Variants in UGT2A2 observed in about 807,000 individuals in gnomAD.
UGT2A2 encodes the protein UDP-glucuronosyltransferase 2A2.
In UGT2A2, 60 loss-of-function variants were observed where a neutral mutation model predicts 50.7. The observed-to-expected ratio is 1.18, with a 90% confidence interval of 0.96 to 1.47. The LOEUF (loss-of-function observed/expected upper bound fraction) is 1.47. Among genes scored for constraint, UGT2A2 ranks in the 40% most tolerant of loss-of-function variants. UGT2A2 has a pLI of 0.00. For synonymous variants in UGT2A2, 242 were observed against 214.6 expected (o/e 1.13, Z -1.11); for missense variants, 762 against 634.0 (o/e 1.20, Z -2.17).
At chr4:69,624,241 C>A (rs1004088982) in intron 1 of UGT2A2, among the ~76,000 whole-genome samples, 9 of 151,470 alleles carry the variant, frequency 5.9e-5, no homozygotes, top group African/African-American at 2.2e-4. Flanking sequence ...CCTTTATTCT[C>A]ATAATAATCA....
intron 1 of UGT2A2, among the ~76,000 whole-genome samples, chr4:69,636,734 A>G (rs1470762531): frequency 6.6e-6 from 1 of 152,130 alleles, no homozygotes; most frequent in Admixed American, 6.5e-5. Flanking sequence ...AGATTTCCTA[A>G]GTAGTTTGGT....
intron 1 of UGT2A2, among the ~76,000 whole-genome samples, chr4:69,619,751 TC>T (rs1720633678): frequency 6.6e-6 from 1 of 151,974 alleles, no homozygotes; most frequent in Admixed American, 6.6e-5. Context: ...GCAAAAATCC[TC>T]AACAAAATAC....
intron 1 of UGT2A2, chr4:69,635,694 C>T: frequency 3.5e-6 from 1 of 283,908 alleles, no homozygotes. Flanking sequence ...GCCTGACCTG[C>T]TGGCAGCCTG....
intron 1 of UGT2A2, among the ~76,000 whole-genome samples, chr4:69,614,107 G>A (rs1720227085): frequency 9.6e-6 from 1 of 104,290 alleles, no homozygotes; most frequent in Admixed American, 9.1e-5. Flanking sequence ...ACTGTTTTAA[G>A]CTGATAAACC....
intron 1 of UGT2A2, among the ~76,000 whole-genome samples, chr4:69,614,826 C>A (rs183059895): frequency 1.3e-5 from 2 of 151,974 alleles, no homozygotes; most frequent in East Asian, 3.9e-4. Flanking sequence ...AACTATCTGA[C>A]ACTGTAGTTT....
At chr4:69,629,286 T>G (rs1176910056) in intron 1 of UGT2A2, among the ~76,000 whole-genome samples, 1 of 152,096 alleles carries the variant, frequency 6.6e-6, no homozygotes, top group Non-Finnish European at 1.5e-5. Context: ...GGAGGTGTAC[T>G]GCAAAGTGTT....
intron 1 of UGT2A2, among the ~76,000 whole-genome samples, chr4:69,630,930 C>A (rs537152771): frequency 2.0e-5 from 3 of 152,052 alleles, no homozygotes; most frequent in Admixed American, 2.0e-4. Flanking sequence ...CTAAAGAATA[C>A]ACGACTAAGT....
chr4:69,619,528 ACT>A (rs1720616937), intron 1 of UGT2A2, among the ~76,000 whole-genome samples: 1 of 151,914 alleles, frequency 6.6e-6, no homozygotes, highest in African/African-American at 2.4e-5. Flanking sequence ...GTTAAAGAAG[ACT>A]CTAAAAATAA....
chr4:69,597,850 A>C (rs547652271), intron 2 of UGT2A2, among the ~76,000 whole-genome samples: 1 of 152,222 alleles, frequency 6.6e-6, no homozygotes, highest in East Asian at 1.9e-4. Flanking sequence ...TAATTATTTC[A>C]TCAGCAATAT....
chr4:69,634,234 G>T (rs934824686), intron 1 of UGT2A2, among the ~76,000 whole-genome samples: 1 of 150,900 alleles, frequency 6.6e-6, no homozygotes, highest in Non-Finnish European at 1.5e-5. Context: ...GACAGAGCGA[G>T]ACTCCATCTC....
chr4:69,592,161 T>C (rs1718631429), intron 5 of UGT2A2, among the ~76,000 whole-genome samples: 1 of 152,154 alleles, frequency 6.6e-6, no homozygotes, highest in African/African-American at 2.4e-5. Flanking sequence ...TTACTTCCGT[T>C]AAGAAAAAGC....
At chr4:69,612,900 C>G (rs1231043649) in intron 1 of UGT2A2, among the ~76,000 whole-genome samples, 1 of 93,558 alleles carries the variant, frequency 1.1e-5, no homozygotes, top group Non-Finnish European at 2.2e-5. Context: ...AATAAAGAAC[C>G]TCTGCAGAAA....
chr4:69,628,748 T>A (rs1721227329), intron 1 of UGT2A2, among the ~76,000 whole-genome samples: 1 of 147,980 alleles, frequency 6.8e-6, no homozygotes, highest in African/African-American at 2.5e-5. Flanking sequence ...TACTTCTACT[T>A]AATACTAAAT....
intron 5 of UGT2A2, among the ~76,000 whole-genome samples, chr4:69,590,621 G>A (rs1718534860): frequency 6.8e-6 from 1 of 147,910 alleles, no homozygotes; most frequent in East Asian, 2.0e-4. Flanking sequence ...AGCAGCAGGA[G>A]TAGTTTACAT....
intron 1 of UGT2A2, among the ~76,000 whole-genome samples, chr4:69,608,209 G>A (rs1459639363): frequency 6.6e-6 from 1 of 152,044 alleles, no homozygotes; most frequent in African/African-American, 2.4e-5. Context: ...AGAAAATGTG[G>A]CACGTATACA....
At chr4:69,614,771 A>G (rs1183210954) in intron 1 of UGT2A2, among the ~76,000 whole-genome samples, 1 of 152,066 alleles carries the variant, frequency 6.6e-6, no homozygotes, top group Non-Finnish European at 1.5e-5. Context: ...ATGTAGAACA[A>G]TGAAAGTGGA....
chr4:69,633,803 G>A (rs1721517689), intron 1 of UGT2A2, among the ~76,000 whole-genome samples: 1 of 152,150 alleles, frequency 6.6e-6, no homozygotes, highest in Non-Finnish European at 1.5e-5. Flanking sequence ...GAGTTGTGGG[G>A]ACTGATAAGC....
chr4:69,628,690 AT>A (rs1437339748), intron 1 of UGT2A2, among the ~76,000 whole-genome samples: 2 of 150,146 alleles, frequency 1.3e-5, no homozygotes, highest in East Asian at 3.9e-4. Flanking sequence ...GGAGAAAAAA[AT>A]AAAAGCATTT....
chr4:69,600,272 GAGC>G (rs1434692152), intron 1 of UGT2A2, among the ~76,000 whole-genome samples: 1 of 152,166 alleles, frequency 6.6e-6, no homozygotes, highest in Non-Finnish European at 1.5e-5. Context: ...ACATGAGAAA[GAGC>G]AGCATCTGGA....
Sources: gnomAD v4.1 joint callset for allele counts (sites outside exome capture counted in the v4.1 genomes callset) on GRCh38, gnomAD v4.1.1 for gene constraint, MANE v1.5 for transcripts, NCBI Gene and HGNC (gene_info 2026-07-23, HGNC 2026-07-21) for gene names.